The following SYN2 variants were observed in gnomAD, a reference collection of about 807,000 sequenced individuals.
The protein encoded by SYN2 is synapsin II.
In SYN2, 19 loss-of-function variants were observed where a neutral mutation model predicts 50.9. The observed-to-expected ratio is 0.37, with a 90% CI of 0.26 to 0.55. The LOEUF is 0.55. Ranked by LOEUF, SYN2 falls within the 20% of genes least tolerant of loss-of-function variation. The probability of loss-of-function intolerance (pLI) is 0.81; values close to 1 mark genes in which losing one functional copy is unlikely to be tolerated. For missense variants in SYN2, 587 were observed against 576.4 expected (o/e 1.02, Z -0.19); for synonymous variants, 255 against 224.9 (o/e 1.13, Z -1.20).
chr3:12,150,863 C>T (rs1365746174), intron 4 of SYN2, among the ~76,000 whole-genome samples: 1 of 152,130 alleles, frequency 6.6e-6, no homozygotes, highest in Non-Finnish European at 1.5e-5. Context: ...CTCAGAGATG[C>T]AGGTGTGGAA....
At chr3:12,095,177 C>CACCTACACATGATGT (rs1449539600) in intron 1 of SYN2, among the ~76,000 whole-genome samples, 1 of 151,932 alleles carries the variant, frequency 6.6e-6, no homozygotes, top group Non-Finnish European at 1.5e-5. Flanking sequence ...TTCTCACCTT[C>CACCTACACATGATGT]CACTTACTCT....
At chr3:12,157,274 C>G in intron 5 of SYN2, 1 of 970,248 alleles carries the variant, frequency 1.0e-6, no homozygotes, top group Non-Finnish European at 1.6e-6. Flanking sequence ...AGTATCTAGA[C>G]CCAAGGATTA....
At position 12,062,147 on chromosome 3, in the gene SYN2, TATG is replaced by T. The variant is rs201533926; in HGVS notation, c.377+57234_377+57236del. The stretch of plus-strand genomic sequence containing the variant: ...TATTACATTGTAGTTATCCATGCAG[TATG>T]ATGATGATGATGATATGAAACAATA... On this transcript the variant is annotated intron_variant, in intron 1 of 12. Transcript: ENST00000621198. Among the ~76,000 whole-genome samples the T allele has an allele frequency of 8.0e-3, 1,205 of 151,264 alleles. 6 individuals carry two copies. The highest frequency in any genetic ancestry group is 0.011 in the Non-Finnish European group (763 of 67,608).
intron 1 of SYN2, among the ~76,000 whole-genome samples, chr3:12,045,552 C>T (rs1694718944): frequency 6.6e-6 from 1 of 152,180 alleles, no homozygotes. Context: ...CTATTGCTAT[C>T]ACTAATAACA....
intron 1 of SYN2, among the ~76,000 whole-genome samples, chr3:12,006,440 A>C (rs1693802532): frequency 6.6e-6 from 1 of 152,186 alleles, no homozygotes; most frequent in Non-Finnish European, 1.5e-5. Context: ...CTTATTACGG[A>C]GGAAGGGAAG....
chr3:12,092,194 A>G (rs1374813911), intron 1 of SYN2, among the ~76,000 whole-genome samples: 1 of 152,232 alleles, frequency 6.6e-6, no homozygotes, highest in African/African-American at 2.4e-5. Flanking sequence ...ATGTGAGGAA[A>G]TAATGGAAAA....
At position 12,085,347 on chromosome 3, in the gene SYN2, T is replaced by C. The variant is rs542426466; in HGVS notation, c.378-55304T>C. On this transcript the variant is annotated intron_variant, in intron 1 of 12. Coordinates refer to ENST00000621198, the MANE Select transcript of SYN2 (RefSeq NM_133625.6). ...TAATCATATATATATATGATTGTTA[T>C]GGAATACACACACACACACACACAC... Among the ~76,000 whole-genome samples the C allele has an allele frequency of 4.1e-5, 3 of 72,308 alleles. No individual in the cohort carries two copies. In the East Asian group the frequency reaches 1.3e-3, roughly 31 times the overall value. 47.4% of individuals were successfully genotyped at this position (72,308 alleles called of 152,430 possible). A position where few individuals can be genotyped will look rare whatever the true frequency, so the allele number is the denominator to read the frequency against.
chr3:12,014,751 CT>C (rs1693985773), intron 1 of SYN2, among the ~76,000 whole-genome samples: 1 of 152,098 alleles, frequency 6.6e-6, no homozygotes, highest in African/African-American at 2.4e-5. Flanking sequence ...TTGTCTATAC[CT>C]TTATGAGTTT....
At chr3:12,095,507 C>T (rs1695911491) in intron 1 of SYN2, among the ~76,000 whole-genome samples, 1 of 121,406 alleles carries the variant, frequency 8.2e-6, no homozygotes, top group Admixed American at 9.2e-5. Flanking sequence ...GAGATGGCGC[C>T]ACTGCACTCC....
At chr3:12,130,569 C>T (rs1696775014) in intron 1 of SYN2, among the ~76,000 whole-genome samples, 2 of 152,178 alleles carry the variant, frequency 1.3e-5, no homozygotes, top group African/African-American at 4.8e-5. Flanking sequence ...TCAGTCTACT[C>T]ATTCAAATGT....
rs199578930 is a variant in SYN2, at chr3:12,051,412, C to G, written c.377+46484C>G. 5.8e-4 allele frequency among the ~76,000 whole-genome samples: 7 copies of G among 12,014 alleles called. No homozygotes were observed. The East Asian group carries it at 9.7e-3, about 17-fold the overall frequency. The allele number at this position is 12,014 out of a possible 152,430, so 7.9% of individuals were successfully genotyped here. On this transcript the variant is annotated intron_variant, in intron 1 of 12. Transcript: ENST00000621198. ...CATCTCTGGCAGAGGCACAGAGCTA[C>G]TGCTGGTCTTCTAGTTTTGTCCTCC... is the stretch of plus-strand genomic sequence containing the variant.
chr3:12,053,655 T>A (rs1694921689), intron 1 of SYN2, among the ~76,000 whole-genome samples: 1 of 152,160 alleles, frequency 6.6e-6, no homozygotes, highest in South Asian at 2.1e-4. Context: ...TTACAATGTT[T>A]ACCATACAGG....
At chr3:12,056,631 A>G (rs1488910722) in intron 1 of SYN2, among the ~76,000 whole-genome samples, 1 of 152,226 alleles carries the variant, frequency 6.6e-6, no homozygotes, top group East Asian at 1.9e-4. Context: ...CTTGACATTC[A>G]AAATGGATTA....
chr3:12,151,425 A>T, intron 5 of SYN2, 99 bp downstream of exon 5: 1 of 873,188 alleles, frequency 1.1e-6, no homozygotes, highest in East Asian at 2.6e-5. Context: ...CAGCATCTCA[A>T]CCCCAAAGAC....
chr3:12,042,828 T>A (rs919567853), intron 1 of SYN2, among the ~76,000 whole-genome samples: 2 of 152,078 alleles, frequency 1.3e-5, no homozygotes, highest in African/African-American at 4.8e-5. Flanking sequence ...AGGCAGAGAT[T>A]GCAGCTAGGC....
intron 1 of SYN2, among the ~76,000 whole-genome samples, chr3:12,026,039 G>A (rs1159171631): frequency 6.6e-6 from 1 of 152,118 alleles, no homozygotes; most frequent in African/African-American, 2.4e-5. Context: ...TTATTAAATT[G>A]TTGTATGACC....
intron 1 of SYN2, among the ~76,000 whole-genome samples, chr3:12,065,472 G>T (rs1695197004): frequency 6.6e-6 from 1 of 152,128 alleles, no homozygotes; most frequent in Admixed American, 6.5e-5. Flanking sequence ...CAGTGGATTG[G>T]ATAAAGAAAA....
chr3:12,050,226 T>TCTTATAATTATAATTC (rs1694825930), intron 1 of SYN2, among the ~76,000 whole-genome samples: 1 of 151,958 alleles, frequency 6.6e-6, no homozygotes. Context: ...CTGTTAATGG[T>TCTTATAATTATAATTC]TATAATTCTC....
At chr3:12,016,661 A>T in intron 1 of SYN2, among the ~76,000 whole-genome samples, 1 of 152,212 alleles carries the variant, frequency 6.6e-6, no homozygotes, top group Admixed American at 6.5e-5. Flanking sequence ...GTTTGAGACC[A>T]GCCTGGCCAA....
Sources: gnomAD v4.1 joint callset for allele counts (sites outside exome capture counted in the v4.1 genomes callset) on GRCh38, gnomAD v4.1.1 for gene constraint, MANE v1.5 for transcripts, NCBI Gene and HGNC (gene_info 2026-07-23, HGNC 2026-07-21) for gene names.